The following PRR16 variants were observed in gnomAD, a reference collection of about 807,000 sequenced individuals.
PRR16 encodes the protein protein Largen.
A neutral mutation model predicts 18.2 loss-of-function variants in PRR16; 6 were observed. The observed-to-expected ratio is 0.33, with a 90% confidence interval of 0.18 to 0.65. PRR16 has a LOEUF of 0.65. PRR16 is among the 30% of genes least tolerant of loss of function. The probability of loss-of-function intolerance (pLI) is 0.74; values close to 1 mark genes in which losing one functional copy is unlikely to be tolerated. For missense variants in PRR16, 412 were observed against 376.6 expected, an observed-to-expected ratio of 1.09 and a Z score of -0.78; for synonymous variants, 151 against 147.8, an observed-to-expected ratio of 1.02 and a Z score of -0.16.
the PRR16 span, among the ~76,000 whole-genome samples, chr5:120,784,602 CA>C: frequency 6.6e-6 from 1 of 151,956 alleles, no homozygotes; most frequent in Non-Finnish European, 1.5e-5. Context: ...AACTCAATAG[CA>C]AAAAAATCTG....
chr5:120,702,257 CGGAAATAAGGGGTCGGGGCAT>C, the PRR16 span, among the ~76,000 whole-genome samples: 63,740 of 106,844 alleles, frequency 0.6, 15,107 homozygotes, highest in East Asian at 0.85. Context: ...GGTCGGGGCA[CGGAAATAAGGGGTCGGGGCAT>C]GGAAATAAGG....
chr5:120,512,232 C>T (rs1750852286), intron 1 of PRR16, among the ~76,000 whole-genome samples: 1 of 126,236 alleles, frequency 7.9e-6, no homozygotes, highest in Admixed American at 7.6e-5. Context: ...TTCCCTCCCC[C>T]ACCTATTGTC....
the PRR16 span, among the ~76,000 whole-genome samples, chr5:120,793,409 T>G: frequency 6.6e-6 from 1 of 151,838 alleles, no homozygotes; most frequent in African/African-American, 2.4e-5. Context: ...TCTAACCCAG[T>G]GGGTAGAGAA....
chr5:120,706,557 G>T, the PRR16 span, among the ~76,000 whole-genome samples: 12 of 152,100 alleles, frequency 7.9e-5, no homozygotes, highest in Admixed American at 7.9e-4. Context: ...AGACATTTTG[G>T]GTTTTCAGGG....
At chr5:120,785,572 G>GTTTTTCTTTTTTTTTTTTT in the PRR16 span, among the ~76,000 whole-genome samples, 1 of 119,908 alleles carries the variant, frequency 8.3e-6, no homozygotes, top group Non-Finnish European at 1.7e-5. Flanking sequence ...TTTTGTTGTT[G>GTTTTTCTTTTTTTTTTTTT]TTGTTTTTTT....
chr5:120,709,465 C>G, the PRR16 span, among the ~76,000 whole-genome samples: 1 of 152,082 alleles, frequency 6.6e-6, no homozygotes, highest in Non-Finnish European at 1.5e-5. Context: ...CTCATCATCT[C>G]AAATATTTAT....
At chr5:120,716,260 A>G in the PRR16 span, among the ~76,000 whole-genome samples, 8 of 152,122 alleles carry the variant, frequency 5.3e-5, no homozygotes, top group African/African-American at 1.2e-4. Flanking sequence ...CTTCCTGCCT[A>G]TGTGACTGAT....
chr5:120,754,609 ATAT>A, the PRR16 span, among the ~76,000 whole-genome samples: 467 of 70,510 alleles, frequency 6.6e-3, 1 homozygote, highest in African/African-American at 0.015. Context: ...ATATCGTTAT[ATAT>A]TATTATATAT....
rs1211476819 is a variant in PRR16, at chr5:120,672,538, A to ATGTG, written c.160-13415_160-13414insGTGT. Among the ~76,000 whole-genome samples the ATGTG allele has an allele frequency of 6.7e-4, 33 of 49,540 alleles. No individual in the cohort carries two copies. In the East Asian group the frequency reaches 0.012, roughly 18 times the overall value. 32.5% of individuals were successfully genotyped at this position (49,540 alleles called of 152,430 possible). On this transcript the variant is annotated intron_variant, in intron 1 of 1. Coordinates refer to ENST00000407149, the MANE Select transcript of PRR16 (RefSeq NM_001300783.2). ...TTTTAATAATTTATGTTATAGATATATATGTGTGTGTGTGTGTGTGTGTGT... is the reference window on the plus strand; with the variant it reads ...TTTTAATAATTTATGTTATAGATATATGTGTATGTGTGTGTGTGTGTGTGTGTGT...
the PRR16 span, among the ~76,000 whole-genome samples, chr5:120,745,388 G>A: frequency 5.3e-5 from 8 of 152,072 alleles, no homozygotes; most frequent in Admixed American, 5.2e-4. Context: ...TTGGAAGTTT[G>A]TTCTCTTTAA....
intron 1 of PRR16, among the ~76,000 whole-genome samples, chr5:120,536,616 G>T (rs900203764): frequency 3.9e-5 from 6 of 152,046 alleles, no homozygotes; most frequent in Non-Finnish European, 2.9e-5. Context: ...TTTGTTATGT[G>T]GAAAAAGGTG....
At chr5:120,707,625 C>T in the PRR16 span, among the ~76,000 whole-genome samples, 1 of 152,160 alleles carries the variant, frequency 6.6e-6, no homozygotes, top group African/African-American at 2.4e-5. Flanking sequence ...ACAGACAGCA[C>T]ATGAGTCTCT....
the PRR16 span, among the ~76,000 whole-genome samples, chr5:120,711,769 G>A: frequency 1.4e-4 from 21 of 152,126 alleles, no homozygotes; most frequent in African/African-American, 4.6e-4. Flanking sequence ...GCAAAGCAGA[G>A]GGGGCTAAGC....
At chr5:120,536,796 T>C (rs1751730724) in intron 1 of PRR16, among the ~76,000 whole-genome samples, 1 of 152,238 alleles carries the variant, frequency 6.6e-6, no homozygotes, top group Non-Finnish European at 1.5e-5. Context: ...AGCACTGTAA[T>C]GTGATTGATA....
the PRR16 span, among the ~76,000 whole-genome samples, chr5:120,773,082 T>C: frequency 6.6e-6 from 1 of 152,128 alleles, no homozygotes; most frequent in Admixed American, 6.6e-5. Flanking sequence ...ATGTAATCTG[T>C]GTGTGGCTTT....
intron 1 of PRR16, among the ~76,000 whole-genome samples, chr5:120,501,240 T>G (rs951023552): frequency 1.3e-5 from 2 of 152,224 alleles, no homozygotes; most frequent in African/African-American, 4.8e-5. Flanking sequence ...ACATTTAATT[T>G]AATAACACAA....
At chr5:120,656,247 A>G (rs1225850571) in intron 1 of PRR16, among the ~76,000 whole-genome samples, 17 of 152,024 alleles carry the variant, frequency 1.1e-4, no homozygotes, top group Admixed American at 6.6e-5. Flanking sequence ...TCAGGCAATC[A>G]TGGAAGAAGT....
chr5:120,521,391 A>G lies in PRR16; in HGVS notation c.159+56746A>G, dbSNP rs373813276. On this transcript the variant is annotated intron_variant, in intron 1 of 1. Coordinates refer to ENST00000407149, the MANE Select transcript of PRR16 (RefSeq NM_001300783.2). ...TACAATCGTTGTGGTTGTTATTGTT[A>G]TTTGGTTCTAATGGGATATGTGTAC... Among the ~76,000 whole-genome samples, 168 of 152,138 alleles carry G rather than the reference A, an allele frequency of 1.1e-3. 1 individual carries two copies. The highest frequency in any genetic ancestry group is 4.0e-3 in the African/African-American group (164 of 41,500).
chr5:120,755,799 T>C, the PRR16 span, among the ~76,000 whole-genome samples: 3 of 152,062 alleles, frequency 2.0e-5, no homozygotes, highest in East Asian at 1.9e-4. Context: ...CAGGTTCTTG[T>C]TGTTTTAAAC....
Sources: allele counts gnomAD v4.1 joint callset (sites outside exome capture counted in the v4.1 genomes callset), GRCh38; gene constraint gnomAD v4.1.1; transcripts MANE v1.5; gene names NCBI Gene and HGNC (gene_info 2026-07-23, HGNC 2026-07-21).